GJC2: variants seen among roughly 807,000 people sequenced by gnomAD.
The protein encoded by GJC2 is gap junction gamma-2 protein.
For synonymous variants in GJC2, 336 were observed against 307.5 expected, an observed-to-expected ratio of 1.09 and a Z score of -0.97; for missense variants, 647 against 648.9, an observed-to-expected ratio of 1.00 and a Z score of 0.03.
Position 228,159,268 on chromosome 1 carries a change from G to C in GJC2, c.*190G>C. 1.5e-6 allele frequency: 1 copy of C among 659,084 alleles called. No homozygotes were observed. The highest frequency in any genetic ancestry group is 2.6e-6 in the Non-Finnish European group (1 of 381,496). The allele number at this position is 659,084 out of a possible 1,614,324, so 40.8% of individuals were successfully genotyped here. A position where few individuals can be genotyped will look rare whatever the true frequency, so the allele number is the denominator to read the frequency against. Reference sequence around the variant, plus strand: ...AGTGCCCTGGCTTGGTCACCACTGGGGCCAAGGTGGGGTGGAGAGAGGCCT... The same window carrying C: ...AGTGCCCTGGCTTGGTCACCACTGGCGCCAAGGTGGGGTGGAGAGAGGCCT... On this transcript the variant is annotated 3_prime_UTR_variant, in exon 2 of 2. Transcript: ENST00000366714. The surrounding 1 kb of genome is among the most constrained non-coding windows in gnomAD (Gnocchi z 4.0).
chr1:228,159,160 T>C lies in GJC2; in HGVS notation c.*82T>C. 6.7e-7 allele frequency: 1 copy of C among 1,502,420 alleles called. No individual in the cohort carries two copies. Among genetic ancestry groups the C allele is most frequent in the Non-Finnish European group, 9.2e-7 (1 of 1,092,870 alleles). The allele number at this position is 1,502,420 out of a possible 1,614,324, so 93.1% of individuals were successfully genotyped here. A position where few individuals can be genotyped will look rare whatever the true frequency, so the allele number is the denominator to read the frequency against. On this transcript the variant is annotated 3_prime_UTR_variant, in exon 2 of 2. Transcript: ENST00000366714. The surrounding 1 kb of genome is among the most constrained non-coding windows in gnomAD (Gnocchi z 4.0). ...AACCTGCGACCCCTTCTCCTCAGCCTTCTCCTTAGCCGGTGGCCTCAGGCA... is the reference window on the plus strand; with the variant it reads ...AACCTGCGACCCCTTCTCCTCAGCCCTCTCCTTAGCCGGTGGCCTCAGGCA...
Position 228,158,995 on chromosome 1 carries a change from G to T in GJC2, c.1237G>T (p.Glu413Ter), listed in dbSNP as rs9970408. The change falls in exon 2 of 2, where the codon GAG becomes TAG. Residue 413 changes from glutamate (E) to a stop codon, truncating the protein, a stop_gained. Coordinates refer to ENST00000366714, the MANE Select transcript of GJC2 (RefSeq NM_020435.4). LOFTEE classifies it low-confidence loss of function (END_TRUNC). The surrounding 1 kb of genome is among the most constrained non-coding windows in gnomAD (Gnocchi z 8.3). ...GGAGCAGGGCCGGCCCGGCACCCAC[G>T]AGCGGCCAGGAGCCAAGCCCAGGGC... The part of the protein sequence containing the change: ...VGEQGRPGTH[E>*]RPGAKPRAGS... The T allele has an allele frequency of 1.2e-6, 2 of 1,603,652 alleles. No individual in the cohort carries two copies. The highest frequency in any genetic ancestry group is 1.1e-5 in the South Asian group (1 of 90,300).
Position 228,152,289 on chromosome 1 carries a change from C to T in GJC2, c.-20+2282C>T, listed in dbSNP as rs2034626149. ...CCCTAAACTGCAGAAAACACCCACC[C>T]TTCGCGGCCTGCCCTGGGAGGGCCT... is the stretch of plus-strand genomic sequence containing the variant. On this transcript the variant is annotated intron_variant, in intron 1 of 1. Coordinates refer to ENST00000366714, the MANE Select transcript of GJC2 (RefSeq NM_020435.4). This position sits in a 1 kb window ranked among gnomAD's most constrained non-coding sequence, Gnocchi z 7.3. Among the ~76,000 whole-genome samples the T allele has an allele frequency of 6.6e-6, 1 of 152,144 alleles. No homozygotes were observed. Among genetic ancestry groups the T allele is most frequent in the Non-Finnish European group, 1.5e-5 (1 of 68,006 alleles).
Position 228,158,542 on chromosome 1 carries a change from A to G in GJC2, c.784A>G (p.Thr262Ala), listed in dbSNP as rs761726866. ...GGTGGACTGCTTCGTGTCGCGCCCT[A>G]CTGAAAAGACGGTCTTCCTGCTGGT... The part of the protein sequence containing the change: ...HVVDCFVSRP[T>A]EKTVFLLVMY... Residue 262 changes from threonine (T) to alanine (A), a missense_variant, in exon 2 of 2, where the codon ACT becomes GCT. Thr to Ala is a moderately conservative substitution (Grantham distance 58, BLOSUM62 0). Transcript: ENST00000366714. The surrounding 1 kb of genome is among the most constrained non-coding windows in gnomAD (Gnocchi z 8.3). 12 of 1,612,676 alleles carry G rather than the reference A, an allele frequency of 7.4e-6. No individual in the cohort carries two copies. The highest frequency in any genetic ancestry group is 1.3e-5 in the African/African-American group (1 of 74,808).
In GJC2 at chr1:228,158,648, C is replaced by T. The variant is rs1427562172; in HGVS notation, c.890C>T (p.Ala297Val). ...CTGGGCTTGGGCAGCGCGCAGGACG[C>T]GGTGCGCGGCCGCCGCGGCCCCCCG... Reference protein sequence around the residue: ...AHLGLGSAQDAVRGRRGPPAS... With the variant: ...AHLGLGSAQDVVRGRRGPPAS... The change falls in exon 2 of 2, where the codon GCG becomes GTG. Residue 297 changes from alanine to valine, a missense_variant. Transcript: ENST00000366714. This position sits in a 1 kb window ranked among gnomAD's most constrained non-coding sequence, Gnocchi z 8.3. The T allele has an allele frequency of 1.9e-6, 3 of 1,584,304 alleles. No homozygotes were observed. Among genetic ancestry groups the T allele is most frequent in the Non-Finnish European group, 1.7e-6 (2 of 1,166,498 alleles).
At position 228,157,741 on chromosome 1, in the gene GJC2, A is replaced by ACACCCC; in HGVS notation, c.-17_-16insACCCCC. 1.8e-4 allele frequency: 64 copies of ACACCCC among 354,470 alleles called. No individual in the cohort carries two copies. Among genetic ancestry groups the ACACCCC allele is most frequent in the South Asian group, 3.8e-4 (20 of 52,106 alleles). The allele number at this position is 354,470 out of a possible 1,614,324, so 22.0% of individuals were successfully genotyped here. On this transcript the variant is annotated splice_region_variant and 5_prime_UTR_variant, in exon 2 of 2. Coordinates refer to ENST00000366714, the MANE Select transcript of GJC2 (RefSeq NM_020435.4). ...GCTGACCCCTACCCCGCCCCACAGG[A>ACACCCC]CCCGCCCGCCCGCCCCTATGACCAA...
In GJC2 at chr1:228,158,487, T is replaced by C. The variant is rs771477313; in HGVS notation, c.729T>C (p.Phe243=). The change falls in exon 2 of 2, where the codon TTT becomes TTC. Residue 243 remains phenylalanine (F), a synonymous_variant. Coordinates refer to ENST00000366714, the MANE Select transcript of GJC2 (RefSeq NM_020435.4). This position sits in a 1 kb window ranked among gnomAD's most constrained non-coding sequence, Gnocchi z 8.3. ...ACGGCTTCGAGGTGCGACCGTTCTT[T>C]CCCTGCAGCCGCCAGCCCTGCCCGC... ...LLYGFEVRPF[F]PCSRQPCPHV... The C allele has an allele frequency of 1.9e-6, 3 of 1,612,412 alleles. No homozygotes were observed. In the South Asian group the frequency reaches 3.3e-5, roughly 18 times the overall value.
intron 1 of GJC2, among the ~76,000 whole-genome samples, chr1:228,154,469 C>T (rs556411477): frequency 6.6e-6 from 1 of 152,164 alleles, no homozygotes; most frequent in Non-Finnish European, 1.5e-5. Flanking sequence ...ACACCTTGGC[C>T]GCCTGGCCAG....
At position 228,158,314 on chromosome 1, in the gene GJC2, G is replaced by T. The variant is rs201277546; in HGVS notation, c.556G>T (p.Gly186Cys). The stretch of plus-strand genomic sequence containing the variant: ...GTGCACTAAGGCGGTCGGCGCTGAC[G>T]GCAAGGCGGCAGGGACCCCGGGCCC... The part of the protein sequence containing the change: ...EACTKAVGAD[G>C]KAAGTPGPTG... Residue 186 changes from glycine (G) to cysteine (C), a missense_variant, in exon 2 of 2, where the codon GGC (glycine) becomes TGC (cysteine). Gly to Cys is a radical substitution (Grantham distance 159). Transcript: ENST00000366714. This position sits in a 1 kb window ranked among gnomAD's most constrained non-coding sequence, Gnocchi z 8.3. 9.6e-4 allele frequency: 1,491 copies of T among 1,552,116 alleles called. 1 individual carries two copies. Among genetic ancestry groups the T allele is most frequent in the Non-Finnish European group, 1.2e-3 (1,371 of 1,151,956 alleles).
Position 228,158,530 on chromosome 1 carries a change from G to T in GJC2, c.772G>T (p.Val258Leu). Reference sequence around the variant, plus strand: ...CTGCCCGCACGTGGTGGACTGCTTCGTGTCGCGCCCTACTGAAAAGACGGT... The same window carrying T: ...CTGCCCGCACGTGGTGGACTGCTTCTTGTCGCGCCCTACTGAAAAGACGGT... ...QPCPHVVDCF[V>L]SRPTEKTVFL... Residue 258 changes from valine (V) to leucine (L), a missense_variant, in exon 2 of 2, where the codon GTG becomes TTG. Physicochemically the swap from Val to Leu is conservative, Grantham distance 32. Transcript: ENST00000366714. This position sits in a 1 kb window ranked among gnomAD's most constrained non-coding sequence, Gnocchi z 8.3. 6.2e-7 allele frequency: 1 copy of T among 1,613,026 alleles called. No individual in the cohort carries two copies. The highest frequency in any genetic ancestry group is 8.5e-7 in the Non-Finnish European group (1 of 1,179,674).
rs569697091 is a variant in GJC2, at chr1:228,151,598, T to G, written c.-20+1591T>G. ...TGTGGCAGTGTGCACTGCTTGTGTG[T>G]GGGGGGGTGGAGGGAGGAGCGTGCC... On this transcript the variant is annotated intron_variant, in intron 1 of 1. Coordinates refer to ENST00000366714, the MANE Select transcript of GJC2 (RefSeq NM_020435.4). The surrounding 1 kb of genome is among the most constrained non-coding windows in gnomAD (Gnocchi z 5.4). Among the ~76,000 whole-genome samples, 7 of 151,694 alleles carry G rather than the reference T, an allele frequency of 4.6e-5. No individual in the cohort carries two copies. The highest frequency in any genetic ancestry group is 1.9e-4 in the East Asian group (1 of 5,154).
At chr1:228,153,581 C>CTTTTT (rs149136887) in intron 1 of GJC2, among the ~76,000 whole-genome samples, 12 of 93,140 alleles carry the variant, frequency 1.3e-4, no homozygotes, top group East Asian at 2.9e-4. Flanking sequence ...TTTCTCTTTT[C>CTTTTT]TTTTTTTTTT....
intron 1 of GJC2, among the ~76,000 whole-genome samples, chr1:228,154,338 C>T (rs1200146174): frequency 6.6e-6 from 1 of 152,196 alleles, no homozygotes; most frequent in Non-Finnish European, 1.5e-5. Flanking sequence ...GGATCCCTTT[C>T]ACCCTCATGT....
At position 228,159,116 on chromosome 1, in the gene GJC2, G is replaced by T. The variant is rs144692877; in HGVS notation, c.*38G>T. 447 of 1,604,510 alleles carry T rather than the reference G, an allele frequency of 2.8e-4. 2 individuals carry two copies. In the Middle Eastern group the frequency reaches 5.9e-3, roughly 21 times the overall value. On this transcript the variant is annotated 3_prime_UTR_variant, in exon 2 of 2. Transcript: ENST00000366714. This position sits in a 1 kb window ranked among gnomAD's most constrained non-coding sequence, Gnocchi z 4.0. ...GCGAGCTGGGCCAGGGAGGAGGAGG[G>T]TTGGGGGGCTCCGGTGGAAACCTGC...
chr1:228,151,904 A>G lies in GJC2; in HGVS notation c.-20+1897A>G, dbSNP rs936535958. 1.3e-5 allele frequency among the ~76,000 whole-genome samples: 2 copies of G among 152,110 alleles called. No homozygotes were observed. Among genetic ancestry groups the G allele is most frequent in the African/African-American group, 4.8e-5 (2 of 41,430 alleles). The stretch of plus-strand genomic sequence containing the variant: ...GGCAGCTGGGGGCTCAGGCAGGGAC[A>G]TGGAGGACAGGTAGTGGAGCTGCCA... On this transcript the variant is annotated intron_variant, in intron 1 of 1. Coordinates refer to ENST00000366714, the MANE Select transcript of GJC2 (RefSeq NM_020435.4). The surrounding 1 kb of genome is among the most constrained non-coding windows in gnomAD (Gnocchi z 5.4).
chr1:228,159,156 A>G lies in GJC2; in HGVS notation c.*78A>G, dbSNP rs985611847. On this transcript the variant is annotated 3_prime_UTR_variant, in exon 2 of 2. Coordinates refer to ENST00000366714, the MANE Select transcript of GJC2 (RefSeq NM_020435.4). This position sits in a 1 kb window ranked among gnomAD's most constrained non-coding sequence, Gnocchi z 4.0. Reference sequence around the variant, plus strand: ...TGGAAACCTGCGACCCCTTCTCCTCAGCCTTCTCCTTAGCCGGTGGCCTCA... The same window carrying G: ...TGGAAACCTGCGACCCCTTCTCCTCGGCCTTCTCCTTAGCCGGTGGCCTCA... The G allele has an allele frequency of 2.0e-6, 3 of 1,514,534 alleles. No homozygotes were observed. The highest frequency in any genetic ancestry group is 1.8e-6 in the Non-Finnish European group (2 of 1,101,840). The allele number at this position is 1,514,534 out of a possible 1,614,324, so 93.8% of individuals were successfully genotyped here.
In GJC2 at chr1:228,157,740, G is replaced by GGGGGGGGGGGGGGC; in HGVS notation, c.-19_-18insGGGGGGGGGGGGGC. On this transcript the variant is annotated splice_region_variant and 5_prime_UTR_variant, in exon 2 of 2. Coordinates refer to ENST00000366714, the MANE Select transcript of GJC2 (RefSeq NM_020435.4). ...GGCTGACCCCTACCCCGCCCCACAG[G>GGGGGGGGGGGGGGC]ACCCGCCCGCCCGCCCCTATGACCA... The GGGGGGGGGGGGGGC allele has an allele frequency of 9.1e-6, 6 of 662,256 alleles. No individual in the cohort carries two copies. Among genetic ancestry groups the GGGGGGGGGGGGGGC allele is most frequent in the East Asian group, 2.9e-5 (1 of 34,396 alleles). 41.0% of individuals were successfully genotyped at this position (662,256 alleles called of 1,614,324 possible). A position where few individuals can be genotyped will look rare whatever the true frequency, so the allele number is the denominator to read the frequency against.
At position 228,158,288 on chromosome 1, in the gene GJC2, C is replaced by T. The variant is rs766729380; in HGVS notation, c.530C>T (p.Ala177Val). Residue 177 changes from alanine (A) to valine (V), a missense_variant, in exon 2 of 2, where the codon GCG (alanine) becomes GTG (valine). By Grantham distance (64) the Ala-to-Val change is moderately conservative. Coordinates refer to ENST00000366714, the MANE Select transcript of GJC2 (RefSeq NM_020435.4). This position sits in a 1 kb window ranked among gnomAD's most constrained non-coding sequence, Gnocchi z 8.3. ...GCGGAGGAGGCAGGCGCGGAGGAGG[C>T]GTGCACTAAGGCGGTCGGCGCTGAC... The part of the protein sequence containing the change: ...EEAEEAGAEE[A>V]CTKAVGADGK... 12 of 1,534,208 alleles carry T rather than the reference C, an allele frequency of 7.8e-6. No individual in the cohort carries two copies. Among genetic ancestry groups the T allele is most frequent in the South Asian group, 2.4e-5 (2 of 84,272 alleles).
chr1:228,153,883 A>T (rs1362606949), intron 1 of GJC2, among the ~76,000 whole-genome samples: 1 of 152,082 alleles, frequency 6.6e-6, no homozygotes, highest in Non-Finnish European at 1.5e-5. Flanking sequence ...GCCCGGCTTA[A>T]GACCCCATTT....
Sources: allele counts gnomAD v4.1 joint callset (sites outside exome capture counted in the v4.1 genomes callset), GRCh38; gene constraint gnomAD v4.1.1; non-coding constraint Gnocchi (gnomAD v3.1); transcripts MANE v1.5; gene names NCBI Gene and HGNC (gene_info 2026-07-23, HGNC 2026-07-21).